MTUS2: variants seen among roughly 807,000 people sequenced by gnomAD.
MTUS2 encodes the protein microtubule associated scaffold protein 2.
In MTUS2, 40 loss-of-function variants were observed where a neutral mutation model predicts 114.1. The ratio of observed to expected loss-of-function variants is 0.35; its 90% CI spans 0.27 to 0.46. MTUS2 has a LOEUF of 0.46. Ranked by LOEUF, MTUS2 falls within the 20% of genes least tolerant of loss-of-function variation. MTUS2 has a pLI of 1.00. For missense variants in MTUS2, 1,679 were observed against 1,705.4 expected (o/e 0.98, Z 0.27); for synonymous variants, 688 against 672.0 (o/e 1.02, Z -0.37).
intron 4 of MTUS2, among the ~76,000 whole-genome samples, chr13:29,076,387 TGCA>T (rs1889193520): frequency 6.6e-6 from 1 of 152,224 alleles, no homozygotes; most frequent in Non-Finnish European, 1.5e-5. Flanking sequence ...TGCTGAAAAC[TGCA>T]ACAATTATTT....
rs112151501 is a variant in MTUS2 at position 28,922,466 on chromosome 13, CTGCACTGTCAAGGCT to C, written c.-243+82620_-243+82634del. Among the ~76,000 whole-genome samples, 1,028 of 152,270 alleles carry C rather than the reference CTGCACTGTCAAGGCT, an allele frequency of 6.8e-3. 4 individuals are homozygous for C. Among genetic ancestry groups the C allele is most frequent in the African/African-American group, 0.023 (942 of 41,548 alleles). ...CTTAGGGTCCCAGAGCCACTTTAGCCTGCACTGTCAAGGCTTGCTGGAACTCTGGCTCCATTTGCT... is the reference window on the plus strand; with the variant it reads ...CTTAGGGTCCCAGAGCCACTTTAGCCTGCTGGAACTCTGGCTCCATTTGCT... On this transcript the variant is annotated intron_variant, in intron 2 of 15. Transcript: ENST00000612955.
chr13:28,849,029 A>G (rs1876075417), intron 2 of MTUS2, among the ~76,000 whole-genome samples: 2 of 152,318 alleles, frequency 1.3e-5, no homozygotes, highest in African/African-American at 4.8e-5. Flanking sequence ...CCTTGTTATG[A>G]TTTAATCCAT....
chr13:29,502,294 G>A (rs1165093755), intron 15 of MTUS2, among the ~76,000 whole-genome samples: 1 of 152,244 alleles, frequency 6.6e-6, no homozygotes, highest in East Asian at 1.9e-4. Context: ...CAGAGGTGCT[G>A]TCATTCTTCA....
At chr13:28,899,738 C>T (rs912488461) in intron 2 of MTUS2, among the ~76,000 whole-genome samples, 5 of 151,870 alleles carry the variant, frequency 3.3e-5, no homozygotes, top group Non-Finnish European at 5.9e-5. Context: ...ATCTGACTTC[C>T]ATTTTCTCTC....
At chr13:29,262,894 A>T (rs967717264) in intron 5 of MTUS2, among the ~76,000 whole-genome samples, 1 of 152,150 alleles carries the variant, frequency 6.6e-6, no homozygotes, top group Non-Finnish European at 1.5e-5. Flanking sequence ...ACAGCTGATG[A>T]AAGAGAGCTG....
intron 3 of MTUS2, among the ~76,000 whole-genome samples, chr13:29,032,595 A>G (rs1886878415): frequency 6.6e-6 from 1 of 152,212 alleles, no homozygotes. Flanking sequence ...ATAGCCAAGG[A>G]CTATCTACTA....
At chr13:29,210,366 A>G (rs1050757772) in intron 5 of MTUS2, among the ~76,000 whole-genome samples, 6 of 151,564 alleles carry the variant, frequency 4.0e-5, no homozygotes, top group Admixed American at 3.3e-4. Flanking sequence ...GTTGGTATTC[A>G]CCTTTCTCTG....
At chr13:29,236,336 A>G (rs1566083456) in intron 5 of MTUS2, among the ~76,000 whole-genome samples, 1 of 151,816 alleles carries the variant, frequency 6.6e-6, no homozygotes, top group Non-Finnish European at 1.5e-5. Flanking sequence ...TTAGAGTGAG[A>G]TTTTTTTAAT....
rs554965245 is a variant in MTUS2 at position 29,274,124 on chromosome 13, T to C, written c.2645-7580T>C. Among the ~76,000 whole-genome samples, 3 of 152,226 alleles carry C rather than the reference T, an allele frequency of 2.0e-5. No homozygotes were observed. In the East Asian group the frequency reaches 5.8e-4, roughly 29 times the overall value. On this transcript the variant is annotated intron_variant, in intron 5 of 15. Transcript: ENST00000612955. ...TTGTTTTGTTTGTTTGTTTGTTTGTTTGTTTTTGAGACAGAGTCTCGCTCT... is the reference window on the plus strand; with the variant it reads ...TTGTTTTGTTTGTTTGTTTGTTTGTCTGTTTTTGAGACAGAGTCTCGCTCT...
chr13:29,425,246 T>C (rs1227848199), intron 8 of MTUS2, among the ~76,000 whole-genome samples: 2 of 152,044 alleles, frequency 1.3e-5, no homozygotes, highest in African/African-American at 4.8e-5. Context: ...AAACCCCATC[T>C]CTACTAAAAT....
intron 5 of MTUS2, among the ~76,000 whole-genome samples, chr13:29,260,269 T>C (rs572116869): frequency 6.6e-6 from 1 of 152,356 alleles, no homozygotes; most frequent in Admixed American, 6.5e-5. Flanking sequence ...GTTTTCAAGA[T>C]ATTTTTTCTT....
chr13:28,824,101 T>C (rs1874099798), intron 1 of MTUS2, among the ~76,000 whole-genome samples: 1 of 152,218 alleles, frequency 6.6e-6, no homozygotes, highest in African/African-American at 2.4e-5. Context: ...CCTAAGGCCA[T>C]GTGTCTGGGA....
At chr13:29,438,068 CAG>C (rs1478102904) in intron 8 of MTUS2, among the ~76,000 whole-genome samples, 27 of 151,804 alleles carry the variant, frequency 1.8e-4, no homozygotes, top group Admixed American at 2.6e-4. Flanking sequence ...TAAAAGGAAA[CAG>C]AAATATAATA....
At chr13:29,426,347 T>C (rs1252840769) in intron 8 of MTUS2, among the ~76,000 whole-genome samples, 1 of 152,254 alleles carries the variant, frequency 6.6e-6, no homozygotes, top group Non-Finnish European at 1.5e-5. Flanking sequence ...ACGAGGGATT[T>C]ATCCTGCTTT....
intron 8 of MTUS2, chr13:29,428,678 C>T: frequency 7.3e-7 from 1 of 1,376,276 alleles, no homozygotes; most frequent in Non-Finnish European, 9.5e-7. Context: ...CCTCTGCCTC[C>T]TGGATTCCTG....
In MTUS2 at chr13:29,177,560, C is replaced by T. The variant is rs563708882; in HGVS notation, c.2644+76590C>T. On this transcript the variant is annotated intron_variant, in intron 5 of 15. Coordinates refer to ENST00000612955, the MANE Select transcript of MTUS2 (RefSeq NM_001033602.4). ...ACCAGGCCTGGAACCCTTCACTAGTCGACACAGTGCTTTCTCAGTAGATTC... is the reference window on the plus strand; with the variant it reads ...ACCAGGCCTGGAACCCTTCACTAGTTGACACAGTGCTTTCTCAGTAGATTC... 1.3e-3 allele frequency among the ~76,000 whole-genome samples: 197 copies of T among 152,152 alleles called. 6 individuals are homozygous for T. Among genetic ancestry groups the T allele is most frequent in the African/African-American group, 4.0e-3 (165 of 41,510 alleles).
intron 2 of MTUS2, among the ~76,000 whole-genome samples, chr13:28,853,850 A>G (rs557705860): frequency 1.3e-5 from 2 of 152,374 alleles, no homozygotes; most frequent in African/African-American, 4.8e-5. Flanking sequence ...AAGGAGTTCA[A>G]GATCATCAAG....
chr13:29,183,778 A>G (rs1894105297), intron 5 of MTUS2, among the ~76,000 whole-genome samples: 1 of 152,222 alleles, frequency 6.6e-6, no homozygotes, highest in African/African-American at 2.4e-5. Flanking sequence ...GTTGGATCAA[A>G]TAAGGTTGAT....
intron 2 of MTUS2, among the ~76,000 whole-genome samples, chr13:28,900,089 T>C (rs951282734): frequency 1.3e-5 from 2 of 152,096 alleles, no homozygotes; most frequent in African/African-American, 4.8e-5. Flanking sequence ...GGTTTCACCA[T>C]GTCGGCCAGG....
Sources: gnomAD v4.1 joint callset for allele counts (sites outside exome capture counted in the v4.1 genomes callset) on GRCh38, gnomAD v4.1.1 for gene constraint, MANE v1.5 for transcripts, NCBI Gene and HGNC (gene_info 2026-07-23, HGNC 2026-07-21) for gene names.